MAD1L1: variants seen among roughly 807,000 people sequenced by gnomAD.
The protein encoded by MAD1L1 is mitotic spindle assembly checkpoint protein MAD1.
In MAD1L1, 95 loss-of-function variants were observed where a neutral mutation model predicts 96.9. The observed-to-expected ratio is 0.98, with a 90% CI of 0.83 to 1.16. The LOEUF (loss-of-function observed/expected upper bound fraction) is 1.16. Ranked by LOEUF, MAD1L1 falls within the 50% of genes most tolerant of loss-of-function variation. MAD1L1 has a pLI of 0.00. For missense variants in MAD1L1, 1,007 were observed against 954.4 expected (o/e 1.06, Z -0.73); for synonymous variants, 473 against 396.6 (o/e 1.19, Z -2.29).
At chr7:1,928,738 G>C (rs1789248119) in intron 17 of MAD1L1, among the ~76,000 whole-genome samples, 1 of 152,232 alleles carries the variant, frequency 6.6e-6, no homozygotes, top group Non-Finnish European at 1.5e-5. Flanking sequence ...CCCTGCCCAG[G>C]TGGCACGGGG....
intron 14 of MAD1L1, 104 bp downstream of exon 14, chr7:2,001,961 C>G (rs1383926686): frequency 1.7e-6 from 2 of 1,192,082 alleles, no homozygotes; most frequent in Admixed American, 3.4e-5. Flanking sequence ...AAGAGGCAGC[C>G]ATGCACTGGC....
intron 3 of MAD1L1, among the ~76,000 whole-genome samples, chr7:2,227,274 T>TGACA (rs1047333470): frequency 1.6e-4 from 24 of 152,188 alleles, no homozygotes; most frequent in Non-Finnish European, 2.8e-4. Context: ...CCAGCCTGGA[T>TGACA]GACAGAGTAA....
intron 10 of MAD1L1, among the ~76,000 whole-genome samples, chr7:2,170,206 C>T (rs1199410173): frequency 6.6e-6 from 1 of 152,144 alleles, no homozygotes; most frequent in Admixed American, 6.5e-5. Flanking sequence ...GAGAGAGCCC[C>T]TGAGGAAAGA....
intron 16 of MAD1L1, among the ~76,000 whole-genome samples, chr7:1,946,149 A>G (rs1779219330): frequency 6.6e-6 from 1 of 152,174 alleles, no homozygotes; most frequent in Admixed American, 6.5e-5. Context: ...CCATCTGCCC[A>G]TCCGCTCAGG....
chr7:1,980,851 A>G, intron 14 of MAD1L1: 1 of 466,592 alleles, frequency 2.1e-6, no homozygotes, highest in Non-Finnish European at 4.1e-6. Flanking sequence ...GGGAGAGAGC[A>G]CGCTCCAACG....
At chr7:1,870,318 A>G (rs1330581656) in intron 18 of MAD1L1, among the ~76,000 whole-genome samples, 1 of 146,554 alleles carries the variant, frequency 6.8e-6, no homozygotes, top group Non-Finnish European at 1.5e-5. Context: ...TGAACCTAAC[A>G]TACGCCTGCC....
chr7:2,161,837 C>G (rs1447770916), intron 10 of MAD1L1, among the ~76,000 whole-genome samples: 1 of 150,310 alleles, frequency 6.7e-6, no homozygotes, highest in Non-Finnish European at 1.5e-5. Context: ...ACCGGCCGCC[C>G]TGTCTGGGAA....
intron 18 of MAD1L1, chr7:1,838,716 G>A (rs1783067830): frequency 4.3e-6 from 2 of 466,746 alleles, no homozygotes; most frequent in African/African-American, 4.0e-5. Flanking sequence ...GGGTGATAAA[G>A]GCATTCATTC....
chr7:1,977,154 A>G (rs58510814), intron 15 of MAD1L1, among the ~76,000 whole-genome samples: 5,190 of 152,342 alleles, frequency 0.034, 193 homozygotes, highest in East Asian at 0.088. Context: ...CAGGCGCCGC[A>G]GAGCAGGGGG....
In MAD1L1 at chr7:1,905,812, G is replaced by C. The variant is rs186574061; in HGVS notation, c.1808-7422C>G. Among the ~76,000 whole-genome samples the C allele has an allele frequency of 4.9e-3, 753 of 152,258 alleles. 6 individuals carry two copies. The highest frequency in any genetic ancestry group is 8.2e-3 in the Non-Finnish European group (559 of 68,030). The stretch of plus-strand genomic sequence containing the variant: ...CACCTGTAATCCCAGCACTCTGGGA[G>C]GCCAAAGCAGGCAGATTATCTGAGG... On this transcript the variant is annotated intron_variant, in intron 17 of 18. Transcript: ENST00000265854.
Position 2,146,609 on chromosome 7 carries a change from C to G in MAD1L1, c.1073+2543G>C, listed in dbSNP as rs1015312101. 1.1e-4 allele frequency among the ~76,000 whole-genome samples: 16 copies of G among 152,258 alleles called. No homozygotes were observed. Among genetic ancestry groups the G allele is most frequent in the Non-Finnish European group, 2.4e-4 (16 of 68,050 alleles). On this transcript the variant is annotated intron_variant, in intron 11 of 18. Coordinates refer to ENST00000265854, the MANE Select transcript of MAD1L1 (RefSeq NM_001013836.2). This position sits in a 1 kb window ranked among gnomAD's most constrained non-coding sequence, Gnocchi z 6.2. Reference sequence around the variant, plus strand: ...AGCAGCTGCTCTCATGACCCGTGACCTCAGCTGGACCAGGGCTCTGTTCTT... The same window carrying G: ...AGCAGCTGCTCTCATGACCCGTGACGTCAGCTGGACCAGGGCTCTGTTCTT...
At chr7:1,926,249 T>C (rs1789082200) in intron 17 of MAD1L1, among the ~76,000 whole-genome samples, 1 of 152,210 alleles carries the variant, frequency 6.6e-6, no homozygotes, top group South Asian at 2.1e-4. Flanking sequence ...ATTCCTGTAA[T>C]GATTAGAACC....
intron 18 of MAD1L1, among the ~76,000 whole-genome samples, chr7:1,822,019 CT>C (rs1782151500): frequency 6.6e-6 from 1 of 152,082 alleles, no homozygotes; most frequent in African/African-American, 2.4e-5. Context: ...GTGGAAAACC[CT>C]AAGCAATCTG....
intron 10 of MAD1L1, among the ~76,000 whole-genome samples, chr7:2,182,435 A>C (rs1198172276): frequency 6.6e-6 from 1 of 152,196 alleles, no homozygotes. Context: ...TAGTTTGGCA[A>C]TTCCTAAAAA....
chr7:2,003,501 C>T (rs1781896693), intron 13 of MAD1L1, among the ~76,000 whole-genome samples: 2 of 152,126 alleles, frequency 1.3e-5, no homozygotes, highest in Non-Finnish European at 2.9e-5. Flanking sequence ...CTGGACTTCC[C>T]ACGGGCTATC....
At chr7:2,035,088 C>T (rs1783405540) in intron 12 of MAD1L1, among the ~76,000 whole-genome samples, 1 of 152,242 alleles carries the variant, frequency 6.6e-6, no homozygotes, top group African/African-American at 2.4e-5. Flanking sequence ...CAACAGATGC[C>T]TCATTTCTGA....
At chr7:1,983,814 T>G (rs114710159) in intron 14 of MAD1L1, among the ~76,000 whole-genome samples, 26 of 152,292 alleles carry the variant, frequency 1.7e-4, no homozygotes, top group African/African-American at 6.3e-4. Flanking sequence ...TGGTGATACT[T>G]TCTATCAATT....
chr7:2,115,691 C>A (rs1787651342), intron 11 of MAD1L1, among the ~76,000 whole-genome samples: 1 of 152,244 alleles, frequency 6.6e-6, no homozygotes. Context: ...CTGCATGGTT[C>A]CCGCATGGCC....
At chr7:2,227,808 C>G (rs1488104628) in intron 3 of MAD1L1, among the ~76,000 whole-genome samples, 1 of 152,236 alleles carries the variant, frequency 6.6e-6, no homozygotes, top group Non-Finnish European at 1.5e-5. Flanking sequence ...GGGTGGGCAC[C>G]CCGCCTGCAG....
Sources: gnomAD v4.1 joint callset for allele counts (sites outside exome capture counted in the v4.1 genomes callset) on GRCh38, gnomAD v4.1.1 for gene constraint, Gnocchi (gnomAD v3.1) non-coding constraint, MANE v1.5 for transcripts, NCBI Gene and HGNC (gene_info 2026-07-23, HGNC 2026-07-21) for gene names.